RPA3: variants seen among roughly 807,000 people sequenced by gnomAD.
RPA3 encodes the protein replication protein A 14 kDa subunit.
A neutral mutation model predicts 13.7 loss-of-function variants in RPA3; 24 were observed. The ratio of observed to expected loss-of-function variants is 1.75; its 90% confidence interval spans 1.27 to 2.46. The LOEUF (loss-of-function observed/expected upper bound fraction) is 2.46, where lower values mean the gene tolerates loss of function less well. Ranked by LOEUF, RPA3 falls within the 30% of genes most tolerant of loss-of-function variation. RPA3 has a pLI of 0.00. For synonymous variants in RPA3, 59 were observed against 51.2 expected (o/e 1.15, Z -0.65); for missense variants, 183 against 151.0 (o/e 1.21, Z -1.11).
chr7:7,673,253 G>A (rs911120017), intron 4 of RPA3: 17 of 1,012,274 alleles, frequency 1.7e-5, no homozygotes, highest in African/African-American at 3.1e-5. Context: ...TGCTAAAAAG[G>A]GTAAGAGTTT....
rs544863087 is a variant in RPA3, at chr7:7,709,958, C to T, written c.-1028+5217G>A. ...TTTAAATTCTGCTTTTTTGGGGTCT[C>T]TTTTTAAATAGTGTTAACATATTTT... is the stretch of plus-strand genomic sequence containing the variant. On this transcript the variant is annotated intron_variant, in intron 2 of 7. Coordinates refer to ENST00000223129, the MANE Select transcript of RPA3 (RefSeq NM_002947.5). Among the ~76,000 whole-genome samples the T allele has an allele frequency of 1.1e-3, 166 of 152,094 alleles. 1 individual carries two copies. Among genetic ancestry groups the T allele is most frequent in the African/African-American group, 3.8e-3 (156 of 41,508 alleles).
Position 7,636,931 on chromosome 7 carries a change from A to C in RPA3, c.*69T>G. On this transcript the variant is annotated 3_prime_UTR_variant, in exon 8 of 8. Transcript: ENST00000223129. ...GAGAAAGCACAGAAATCTCTCCCTC[A>C]AACAAGAAGGGCTTCCTTTAATAGA... The C allele has an allele frequency of 2.6e-6, 3 of 1,158,168 alleles. No homozygotes were observed. Among genetic ancestry groups the C allele is most frequent in the Non-Finnish European group, 3.8e-6 (3 of 784,268 alleles). The allele number at this position is 1,158,168 out of a possible 1,614,324, so 71.7% of individuals were successfully genotyped here.
Position 7,687,303 on chromosome 7 carries a change from G to T in RPA3, c.-1002C>A, listed in dbSNP as rs1780062613. 1 of 152,184 alleles carries T rather than the reference G, an allele frequency of 6.6e-6. No individual in the cohort carries two copies. 9.4% of individuals were successfully genotyped at this position (152,184 alleles called of 1,614,324 possible). Reference sequence around the variant, plus strand: ...TCTTCATTACATTGTTGCAGGAGATGAAGCAAAAGGAAACTGTACACAGAT... The same window carrying T: ...TCTTCATTACATTGTTGCAGGAGATTAAGCAAAAGGAAACTGTACACAGAT... On this transcript the variant is annotated 5_prime_UTR_variant, in exon 3 of 8. Coordinates refer to ENST00000223129, the MANE Select transcript of RPA3 (RefSeq NM_002947.5).
At chr7:7,678,884 T>C (rs368480228) in intron 4 of RPA3, among the ~76,000 whole-genome samples, 3 of 2,788 alleles carry the variant, frequency 1.1e-3, no homozygotes, top group Admixed American at 6.2e-3. Flanking sequence ...TTTATAAACA[T>C]ATATTTATAT....
intron 4 of RPA3, among the ~76,000 whole-genome samples, chr7:7,657,144 C>T (rs1785362611): frequency 6.6e-6 from 1 of 152,102 alleles, no homozygotes; most frequent in African/African-American, 2.4e-5. Flanking sequence ...ATATCTTCTG[C>T]CCACTTTTTG....
At position 7,682,904 on chromosome 7, in the gene RPA3, A is replaced by G. The variant is rs1014833553; in HGVS notation, c.-758+2926T>C. ...TAAGAAATGTGGAGTTGTGTGTCTA[A>G]TGGATAGAATTAACAGTATTTTCAG... On this transcript the variant is annotated intron_variant, in intron 4 of 7. Transcript: ENST00000223129. 1.2e-4 allele frequency among the ~76,000 whole-genome samples: 19 copies of G among 152,316 alleles called. No individual in the cohort carries two copies. In the South Asian group the frequency reaches 1.7e-3, roughly 13 times the overall value.
chr7:7,708,428 G>A (rs937960811), intron 2 of RPA3, among the ~76,000 whole-genome samples: 1 of 152,112 alleles, frequency 6.6e-6, no homozygotes, highest in African/African-American at 2.4e-5. Context: ...CCAAGTGTCA[G>A]TGACCCTTAT....
intron 2 of RPA3, among the ~76,000 whole-genome samples, chr7:7,708,208 T>C (rs1158678217): frequency 6.6e-6 from 1 of 152,204 alleles, no homozygotes; most frequent in African/African-American, 2.4e-5. Flanking sequence ...CTTAACTGTC[T>C]GTAACTTAAC....
At chr7:7,684,713 A>G (rs1043611456) in intron 4 of RPA3, among the ~76,000 whole-genome samples, 1 of 152,358 alleles carries the variant, frequency 6.6e-6, no homozygotes, top group Non-Finnish European at 1.5e-5. Context: ...GGCTTTAGCC[A>G]TAGTACAACT....
chr7:7,689,477 C>A (rs559909079), intron 2 of RPA3: 1 of 152,212 alleles, frequency 6.6e-6, no homozygotes, highest in Admixed American at 6.5e-5. Flanking sequence ...TAATAAATTC[C>A]CGCATTAAAG....
chr7:7,649,559 G>C (rs1209126472), intron 4 of RPA3, among the ~76,000 whole-genome samples: 1 of 152,088 alleles, frequency 6.6e-6, no homozygotes. Flanking sequence ...TGCTTCCTAT[G>C]TGTTCTGTTT....
intron 2 of RPA3, among the ~76,000 whole-genome samples, chr7:7,704,378 G>A (rs1458858678): frequency 1.3e-5 from 2 of 151,856 alleles, no homozygotes; most frequent in Non-Finnish European, 2.9e-5. Flanking sequence ...TATAACTGAC[G>A]TAAGAGTCCT....
At chr7:7,642,606 C>CT (rs1213145361) in intron 4 of RPA3, among the ~76,000 whole-genome samples, 1 of 152,084 alleles carries the variant, frequency 6.6e-6, no homozygotes, top group Non-Finnish European at 1.5e-5. Flanking sequence ...TTTAAAACAG[C>CT]TTTTTCGTGT....
intron 4 of RPA3, among the ~76,000 whole-genome samples, chr7:7,673,866 A>G (rs1285962673): frequency 6.6e-6 from 1 of 152,216 alleles, no homozygotes; most frequent in African/African-American, 2.4e-5. Context: ...TAGACTTTAA[A>G]ATCTAAATAT....
At chr7:7,702,440 T>G (rs1780483052) in intron 2 of RPA3, among the ~76,000 whole-genome samples, 1 of 152,164 alleles carries the variant, frequency 6.6e-6, no homozygotes, top group Admixed American at 6.5e-5. Flanking sequence ...ATACGAAAAT[T>G]CTGGTTGGGG....
chr7:7,671,654 G>A (rs1465560592), intron 4 of RPA3, among the ~76,000 whole-genome samples: 1 of 151,946 alleles, frequency 6.6e-6, no homozygotes, highest in African/African-American at 2.4e-5. Flanking sequence ...CCTTGTGGGG[G>A]TTTCCCTTTA....
intron 4 of RPA3, among the ~76,000 whole-genome samples, chr7:7,677,102 T>G (rs540742419): frequency 2.0e-5 from 3 of 152,292 alleles, no homozygotes; most frequent in African/African-American, 7.2e-5. Flanking sequence ...TTTTAAATTT[T>G]TTATTTTTAA....
At chr7:7,704,494 G>T (rs1383834500) in intron 2 of RPA3, among the ~76,000 whole-genome samples, 1 of 151,214 alleles carries the variant, frequency 6.6e-6, no homozygotes, top group Non-Finnish European at 1.5e-5. Context: ...GGTGGCTCAT[G>T]CCTGTAATCC....
intron 2 of RPA3, among the ~76,000 whole-genome samples, chr7:7,695,753 A>G (rs1780298791): frequency 6.6e-6 from 1 of 152,166 alleles, no homozygotes; most frequent in Admixed American, 6.6e-5. Context: ...ATATCTATGT[A>G]TGTTGGGAAT....
Sources: gnomAD v4.1 joint callset for allele counts (sites outside exome capture counted in the v4.1 genomes callset) on GRCh38, gnomAD v4.1.1 for gene constraint, MANE v1.5 for transcripts, NCBI Gene and HGNC (gene_info 2026-07-23, HGNC 2026-07-21) for gene names.